DHX34: variants seen among roughly 807,000 people sequenced by gnomAD.
DHX34 encodes DExH-box helicase 34.
DHX34 carries 96 observed loss-of-function variants against 111.1 expected under a neutral mutation model. The observed-to-expected ratio is 0.86, with a 90% CI of 0.73 to 1.02. The LOEUF (loss-of-function observed/expected upper bound fraction) is 1.02. Among genes scored for constraint, DHX34 ranks in the 50% least tolerant of loss-of-function variants. The pLI, the probability that DHX34 is intolerant of heterozygous loss-of-function variation, is 0.00. For missense variants in DHX34, 1,560 were observed against 1,579.9 expected, an observed-to-expected ratio of 0.99 and a Z score of 0.21; for synonymous variants, 688 against 670.4, an observed-to-expected ratio of 1.03 and a Z score of -0.41.
rs200980579 is a variant in DHX34 at position 47,379,773 on chromosome 19, G to T, written c.2770G>T (p.Gly924Cys). ...TGACTGCTCCCGCCTGGTGGCCGATGGCTGGCTGGAGCTGCAGCTAGCAGA... is the reference window on the plus strand; with the variant it reads ...TGACTGCTCCCGCCTGGTGGCCGATTGCTGGCTGGAGCTGCAGCTAGCAGA... ...NGDCSRLVAD[G>C]WLELQLADSE... The change falls in exon 14 of 17, where the codon GGC becomes TGC. Residue 924 changes from glycine (G) to cysteine (C), a missense_variant. Coordinates refer to ENST00000328771, the MANE Select transcript of DHX34 (RefSeq NM_014681.6). 144 of 1,613,200 alleles carry T rather than the reference G, an allele frequency of 8.9e-5. 3 individuals are homozygous for T. In the Admixed American group the frequency reaches 2.4e-3, roughly 27 times the overall value.
Position 47,355,213 on chromosome 19 carries a change from G to T in DHX34, c.880G>T (p.Val294Phe). The T allele has an allele frequency of 6.2e-7, 1 of 1,614,180 alleles. No individual in the cohort carries two copies. The highest frequency in any genetic ancestry group is 8.5e-7 in the Non-Finnish European group (1 of 1,180,034). ...TCTCCACAACGATTTCCTCCTGGGC[G>T]TCCTCCAGCGCCTGTTGCCCACGCG... ...RHLHNDFLLG[V>F]LQRLLPTRPD... The change falls in exon 3 of 17, where the codon GTC becomes TTC. Residue 294 changes from valine to phenylalanine, a missense_variant. Val to Phe is a conservative substitution (Grantham distance 50). Coordinates refer to ENST00000328771, the MANE Select transcript of DHX34 (RefSeq NM_014681.6).
intron 13 of DHX34, among the ~76,000 whole-genome samples, chr19:47,379,201 G>T (rs575711619): frequency 2.0e-5 from 3 of 152,120 alleles, no homozygotes; most frequent in Non-Finnish European, 2.9e-5. Context: ...ACATAAGCAG[G>T]CAGAACAGTA....
rs1255486230 is a variant in DHX34, at chr19:47,359,956, C to T, written c.1273-12C>T. 5 of 1,613,900 alleles carry T rather than the reference C, an allele frequency of 3.1e-6. No individual in the cohort carries two copies. Among genetic ancestry groups the T allele is most frequent in the African/African-American group, 1.3e-5 (1 of 74,922 alleles). On this transcript the variant is annotated splice_polypyrimidine_tract_variant and intron_variant, in intron 4 of 16. Transcript: ENST00000328771. The stretch of plus-strand genomic sequence containing the variant: ...AGTTAGTTCCTGACACCACCCCCTC[C>T]CTTCCTCCCAGGTATTTGATGTGGC...
Position 47,355,184 on chromosome 19 carries a change from G to T in DHX34, c.851G>T (p.Arg284Leu), listed in dbSNP as rs576718933. Reference sequence around the variant, plus strand: ...CTGATTGTGGATGAAGTCCATGAGCGGCATCTCCACAACGATTTCCTCCTG... The same window carrying T: ...CTGATTGTGGATGAAGTCCATGAGCTGCATCTCCACAACGATTTCCTCCTG... The part of the protein sequence containing the change: ...EVLIVDEVHE[R>L]HLHNDFLLGV... The change falls in exon 3 of 17, where the codon CGG (arginine) becomes CTG (leucine). Residue 284 changes from arginine to leucine, a missense_variant. By Grantham distance (102) the Arg-to-Leu change is moderately radical (BLOSUM62 -2). Coordinates refer to ENST00000328771, the MANE Select transcript of DHX34 (RefSeq NM_014681.6). 1 of 1,614,002 alleles carries T rather than the reference G, an allele frequency of 6.2e-7. No individual in the cohort carries two copies. The highest frequency in any genetic ancestry group is 1.3e-5 in the African/African-American group (1 of 74,888).
chr19:47,367,071 C>T lies in DHX34; in HGVS notation c.1684C>T (p.Arg562Trp), dbSNP rs778928335. Residue 562 changes from arginine to tryptophan, a missense_variant, in exon 7 of 17, where the codon CGG becomes TGG. Arg to Trp is a moderately radical substitution (Grantham distance 101). Transcript: ENST00000328771. ...CCTGGAAACCGCCATCCTCTACCTCCGGGACCAGGGGGCCCTGGACAGCTC... is the reference window on the plus strand; with the variant it reads ...CCTGGAAACCGCCATCCTCTACCTCTGGGACCAGGGGGCCCTGGACAGCTC... ...ASLETAILYL[R>W]DQGALDSSEA... 3.5e-5 allele frequency: 57 copies of T among 1,609,378 alleles called. No individual in the cohort carries two copies. In the Middle Eastern group the frequency reaches 5.0e-4, roughly 14 times the overall value.
At chr19:47,358,368 G>A (rs1245218658) in intron 4 of DHX34, among the ~76,000 whole-genome samples, 4 of 152,184 alleles carry the variant, frequency 2.6e-5, no homozygotes, top group Non-Finnish European at 5.9e-5. Context: ...ATCGACCATG[G>A]GCTCTCTGTC....
intron 5 of DHX34, among the ~76,000 whole-genome samples, chr19:47,361,228 C>T (rs940447200): frequency 1.3e-5 from 2 of 151,918 alleles, no homozygotes; most frequent in African/African-American, 4.8e-5. Flanking sequence ...GAGGCCAAGG[C>T]AGGCAGGTCA....
rs141344280 is a variant in DHX34, at chr19:47,377,304, T to C, written c.2706+98T>C. 1.5e-4 allele frequency: 192 copies of C among 1,307,586 alleles called. No individual in the cohort carries two copies. In the African/African-American group the frequency reaches 2.5e-3, roughly 17 times the overall value. The allele number at this position is 1,307,586 out of a possible 1,614,324, so 81.0% of individuals were successfully genotyped here. ...ACCGCGTGGGCTTGGAGGGGCCACC[T>C]GGCACCTGGGCTGGCCGCAGGCGTC... On this transcript the variant is annotated intron_variant, in intron 13 of 16. Transcript: ENST00000328771.
At chr19:47,378,659 A>G (rs1019807031) in intron 13 of DHX34, among the ~76,000 whole-genome samples, 18 of 145,158 alleles carry the variant, frequency 1.2e-4, no homozygotes, top group African/African-American at 4.4e-4. Context: ...GGGAGACTCT[A>G]TCTATCTCTA....
intron 14 of DHX34, among the ~76,000 whole-genome samples, 158 bp downstream of exon 14, chr19:47,380,143 C>T (rs1475969488): frequency 6.6e-6 from 1 of 152,180 alleles, no homozygotes. Context: ...AAGGTCACTC[C>T]ACTGGTCTGG....
chr19:47,362,381 A>G (rs747897472), intron 5 of DHX34, 95 bp from the exon 6 acceptor site: 173 of 1,396,682 alleles, frequency 1.2e-4, no homozygotes, highest in Non-Finnish European at 1.6e-4. Flanking sequence ...ATAAAGGAGT[A>G]AGTGAGGGTG....
intron 14 of DHX34, 63 bp downstream of exon 14, chr19:47,380,048 G>C: frequency 6.6e-7 from 1 of 1,504,510 alleles, no homozygotes; most frequent in East Asian, 2.4e-5. Flanking sequence ...CACTGGGCTT[G>C]AGCCTCGGGA....
intron 8 of DHX34, 123 bp from the exon 9 acceptor site, chr19:47,373,476 C>CCT: frequency 6.8e-7 from 1 of 1,462,328 alleles, no homozygotes; most frequent in Non-Finnish European, 9.0e-7. Flanking sequence ...GGGGCTGAGA[C>CCT]CTGGAAGCAG....
intron 12 of DHX34, chr19:47,376,792 C>A: frequency 6.7e-7 from 1 of 1,499,910 alleles, no homozygotes; most frequent in Non-Finnish European, 8.9e-7. Context: ...GCCAGTGTGG[C>A]TGTGCCCAGA....
At position 47,375,674 on chromosome 19, in the gene DHX34, C is replaced by A. The variant is rs755292525; in HGVS notation, c.2273C>A (p.Ala758Asp). Residue 758 changes from alanine (A) to aspartate (D), a missense_variant, in exon 10 of 17, where the codon GCC becomes GAC. Transcript: ENST00000328771. ...AGTGACGAGGACAGGGCTGGCCCAGCCCCCCCAGGGGCCAGTGATGGCGTG... is the reference window on the plus strand; with the variant it reads ...AGTGACGAGGACAGGGCTGGCCCAGACCCCCCAGGGGCCAGTGATGGCGTG... ...GSSDEDRAGP[A>D]PPGASDGVDI... 7.1e-6 allele frequency: 11 copies of A among 1,555,676 alleles called. No individual in the cohort carries two copies. The highest frequency in any genetic ancestry group is 1.2e-5 in the South Asian group (1 of 85,852).
At chr19:47,355,851 CA>C (rs1028340193) in intron 3 of DHX34, among the ~76,000 whole-genome samples, 1,415 of 129,750 alleles carry the variant, frequency 0.011, 23 homozygotes, top group African/African-American at 0.032. Flanking sequence ...GACTTTGTCT[CA>C]AAAAAAAAAA....
intron 8 of DHX34, 109 bp downstream of exon 8, chr19:47,373,032 C>T (rs1970019677): frequency 7.3e-7 from 1 of 1,361,686 alleles, no homozygotes; most frequent in African/African-American, 1.5e-5. Context: ...CTGGGAGGAC[C>T]ACTGAGCCCC....
Position 47,372,779 on chromosome 19 carries a change from C to T in DHX34, c.1818C>T (p.Leu606=). Residue 606 remains leucine (L), a synonymous_variant, in exon 8 of 17, where the codon CTC becomes CTT. Coordinates refer to ENST00000328771, the MANE Select transcript of DHX34 (RefSeq NM_014681.6). ...TGTTCAGCCTGGTGGAGCCTGTGCT[C>T]ACCATCGCAGCCGCACTTAGCGTCC... ...GSMFSLVEPV[L]TIAAALSVQS... is the part of the protein sequence containing the mutation. 1 of 1,612,988 alleles carries T rather than the reference C, an allele frequency of 6.2e-7. No individual in the cohort carries two copies. Among genetic ancestry groups the T allele is most frequent in the Non-Finnish European group, 8.5e-7 (1 of 1,179,778 alleles).
intron 6 of DHX34, 23 bp downstream of exon 6, chr19:47,362,716 A>T (rs373985328): frequency 7.0e-6 from 11 of 1,579,776 alleles, no homozygotes; most frequent in Non-Finnish European, 9.4e-6. Flanking sequence ...CAGAAAGGGG[A>T]CTATATCCTA....
Sources: allele counts gnomAD v4.1 joint callset (sites outside exome capture counted in the v4.1 genomes callset), GRCh38; gene constraint gnomAD v4.1.1; transcripts MANE v1.5; gene names NCBI Gene and HGNC (gene_info 2026-07-23, HGNC 2026-07-21).